RMDN1: variants seen among roughly 807,000 people sequenced by gnomAD.
RMDN1 encodes regulator of microtubule dynamics protein 1.
RMDN1 carries 48 observed loss-of-function variants against 48.9 expected under a neutral mutation model. The ratio of observed to expected loss-of-function variants is 0.98; its 90% CI spans 0.78 to 1.25. The LOEUF is 1.25. Among genes scored for constraint, RMDN1 ranks in the 50% most tolerant of loss-of-function variants. The pLI is 0.00. For synonymous variants in RMDN1, 148 were observed against 132.6 expected (o/e 1.12, Z -0.80); for missense variants, 418 against 373.4 (o/e 1.12, Z -0.98).
intron 2 of RMDN1, among the ~76,000 whole-genome samples, chr8:86,490,124 T>C (rs1196453558): frequency 6.6e-6 from 1 of 152,200 alleles, no homozygotes; most frequent in African/African-American, 2.4e-5. Context: ...TTTTATCGGA[T>C]ACGTGGCTGA....
At chr8:86,511,983 G>A (rs929287301), upstream of RMDN1, among the ~76,000 whole-genome samples, 2 of 152,162 alleles carry the variant, frequency 1.3e-5, no homozygotes, top group African/African-American at 4.8e-5. Context: ...CCACCAGGTG[G>A]TGTTTTATTT....
At position 86,479,282 on chromosome 8, in the gene RMDN1, G is replaced by A. The variant is rs182744238; in HGVS notation, c.642-272C>T. ...CTGAGTGCATTGTGCCAGGTAGTGG[G>A]TTGATTCTCTCATTTATTCCTTGTA... On this transcript the variant is annotated intron_variant, in intron 6 of 9. Transcript: ENST00000406452. Among the ~76,000 whole-genome samples the A allele has an allele frequency of 3.1e-3, 471 of 152,240 alleles. 2 individuals are homozygous for A. Among genetic ancestry groups the A allele is most frequent in the African/African-American group, 0.011 (450 of 41,556 alleles).
intron 3 of RMDN1, among the ~76,000 whole-genome samples, chr8:86,486,897 A>G (rs1226822903): frequency 6.6e-6 from 1 of 150,958 alleles, no homozygotes; most frequent in African/African-American, 2.4e-5. Flanking sequence ...TCTTTCAAAA[A>G]TATCTTTGCA....
rs1338572471 is a variant in RMDN1 at position 86,472,917 on chromosome 8, C to T, written c.*1391G>A. 2 of 164,316 alleles carry T rather than the reference C, an allele frequency of 1.2e-5. No individual in the cohort carries two copies. Among genetic ancestry groups the T allele is most frequent in the Admixed American group, 6.2e-5 (1 of 16,142 alleles). 10.2% of individuals were successfully genotyped at this position (164,316 alleles called of 1,614,324 possible). A position where few individuals can be genotyped will look rare whatever the true frequency, so the allele number is the denominator to read the frequency against. ...TTAAAAATAATGTTATATAAAGTTA[C>T]CTTCAAGCTATGTGCATAAGGTATA... On this transcript the variant is annotated 3_prime_UTR_variant, in exon 10 of 10. Coordinates refer to ENST00000406452, the MANE Select transcript of RMDN1 (RefSeq NM_016033.3).
At chr8:86,497,863 A>C (rs1466188054) in intron 2 of RMDN1, among the ~76,000 whole-genome samples, 1 of 152,190 alleles carries the variant, frequency 6.6e-6, no homozygotes, top group African/African-American at 2.4e-5. Flanking sequence ...TGGGAGGCTG[A>C]GGCAGGCAGA....
Position 86,474,242 on chromosome 8 carries a change from T to TAA in RMDN1, c.*64_*65dup. 6.2e-7 allele frequency: 1 copy of TAA among 1,603,484 alleles called. No homozygotes were observed. The highest frequency in any genetic ancestry group is 8.5e-7 in the Non-Finnish European group (1 of 1,175,800). On this transcript the variant is annotated 3_prime_UTR_variant, in exon 10 of 10. Coordinates refer to ENST00000406452, the MANE Select transcript of RMDN1 (RefSeq NM_016033.3). ...CGTAGAACAGTTATAGTTCATATATTAAGTTTAGAATTAAAAGAAAAGGCA... is the reference window on the plus strand; with the variant it reads ...CGTAGAACAGTTATAGTTCATATATTAAAAGTTTAGAATTAAAAGAAAAGGCA...
chr8:86,485,968 T>C (rs979191468), intron 4 of RMDN1, among the ~76,000 whole-genome samples: 1 of 152,200 alleles, frequency 6.6e-6, no homozygotes, highest in East Asian at 1.9e-4. Context: ...AGAAGGCTAA[T>C]GACCACCTCG....
chr8:86,505,209 A>C, intron 2 of RMDN1: 2 of 701,918 alleles, frequency 2.8e-6, no homozygotes, highest in Admixed American at 2.2e-5. Context: ...TGCGCACCTC[A>C]AGGCTGGGGT....
intron 4 of RMDN1, among the ~76,000 whole-genome samples, chr8:86,485,473 T>C (rs1047110875): frequency 6.6e-6 from 1 of 152,148 alleles, no homozygotes; most frequent in Non-Finnish European, 1.5e-5. Flanking sequence ...GACATGTTTA[T>C]AGAGAACTAT....
intron 7 of RMDN1, chr8:86,477,930 A>G (rs1813661055): frequency 6.7e-6 from 1 of 150,180 alleles, no homozygotes; most frequent in African/African-American, 2.4e-5. Context: ...TCTGTTGCCC[A>G]GGCTGGAATG....
rs375170980 is a variant in RMDN1 at position 86,489,976 on chromosome 8, G to C, written c.248-1337C>G. Among the ~76,000 whole-genome samples, 4 of 151,812 alleles carry C rather than the reference G, an allele frequency of 2.6e-5. No individual in the cohort carries two copies. The East Asian group carries it at 5.8e-4, about 22-fold the overall frequency. On this transcript the variant is annotated intron_variant, in intron 2 of 9. Coordinates refer to ENST00000406452, the MANE Select transcript of RMDN1 (RefSeq NM_016033.3). ...ACTAGTTAAGAAATTAAATGACAAT[G>C]GCAAAAAAAACCCCTAAAATTAAAT... is the stretch of plus-strand genomic sequence containing the variant.
At chr8:86,504,675 T>C (rs1818996530) in intron 2 of RMDN1, 1 of 878,464 alleles carries the variant, frequency 1.1e-6, no homozygotes, top group East Asian at 2.4e-5. Flanking sequence ...GAGCTTTGTC[T>C]TTATCGGGGC....
intron 4 of RMDN1, 108 bp from the exon 5 acceptor site, chr8:86,485,069 T>A: frequency 1.7e-6 from 1 of 600,334 alleles, no homozygotes; most frequent in Non-Finnish European, 2.8e-6. Flanking sequence ...AACAAAAAGT[T>A]ACTGAGCATA....
chr8:86,482,329 G>C (rs181015024), intron 5 of RMDN1: 17 of 316,770 alleles, frequency 5.4e-5, no homozygotes, highest in Non-Finnish European at 8.4e-5. Flanking sequence ...TTGAACCCTG[G>C]AAGCAGAGGC....
chr8:86,505,601 C>T (rs910286101), intron 2 of RMDN1, among the ~76,000 whole-genome samples: 5 of 152,026 alleles, frequency 3.3e-5, no homozygotes, highest in African/African-American at 4.8e-5. Context: ...GTGCAGAATG[C>T]GCAGGTTTGT....
chr8:86,508,862 G>A, upstream of RMDN1: 4 of 1,164,388 alleles, frequency 3.4e-6, no homozygotes, highest in Non-Finnish European at 1.1e-6. Flanking sequence ...CCAGGACTGA[G>A]GCCGTGAGAG....
intron 8 of RMDN1, among the ~76,000 whole-genome samples, chr8:86,476,704 TTTG>T (rs925101670): frequency 6.6e-6 from 1 of 152,140 alleles, no homozygotes; most frequent in Non-Finnish European, 1.5e-5. Context: ...ATAATCTTTT[TTTG>T]TTTTTTTCAG....
intron 2 of RMDN1, among the ~76,000 whole-genome samples, chr8:86,497,904 G>A (rs1474322623): frequency 3.3e-5 from 5 of 151,896 alleles, no homozygotes; most frequent in South Asian, 2.1e-4. Context: ...GAGACAGCCT[G>A]ACCAACATGG....
intron 2 of RMDN1, chr8:86,504,155 C>T: frequency 2.2e-6 from 3 of 1,387,856 alleles, no homozygotes; most frequent in East Asian, 2.3e-5. Context: ...TTGGGCTTTA[C>T]CATCCTTCCT....
Sources: gnomAD v4.1 joint callset for allele counts (sites outside exome capture counted in the v4.1 genomes callset) on GRCh38, gnomAD v4.1.1 for gene constraint, MANE v1.5 for transcripts, NCBI Gene and HGNC (gene_info 2026-07-23, HGNC 2026-07-21) for gene names.